Variants in SND1 observed in about 807,000 individuals in gnomAD.
The protein encoded by SND1 is staphylococcal nuclease domain-containing protein 1.
Under a neutral mutation model 121.7 loss-of-function variants are expected in SND1, and 38 were observed. The observed-to-expected ratio is 0.31, with a 90% confidence interval of 0.24 to 0.41. The LOEUF (loss-of-function observed/expected upper bound fraction) is 0.41, where lower values mean the gene tolerates loss of function less well. Among genes scored for constraint, SND1 ranks in the 10% least tolerant of loss-of-function variants. The pLI, the probability that SND1 is intolerant of heterozygous loss-of-function variation, is 1.00. For synonymous variants in SND1, 401 were observed against 447.4 expected (o/e 0.90, Z 1.31); for missense variants, 868 against 1,184.6 (o/e 0.73, Z 3.92).
At chr7:127,974,369 G>A (rs544515530) in intron 15 of SND1, among the ~76,000 whole-genome samples, 13 of 152,296 alleles carry the variant, frequency 8.5e-5, no homozygotes, top group East Asian at 3.9e-4. Flanking sequence ...TTGAAGATTC[G>A]TTCATGCTCC....
intron 16 of SND1, among the ~76,000 whole-genome samples, chr7:128,040,511 C>A (rs1792836681): frequency 6.9e-6 from 1 of 144,978 alleles, no homozygotes; most frequent in Non-Finnish European, 1.5e-5. Context: ...CATGGTAAGA[C>A]CTTTCTCCTG....
chr7:127,959,658 C>CCCCATT (rs1161254662), intron 15 of SND1, among the ~76,000 whole-genome samples: 6 of 152,172 alleles, frequency 3.9e-5, no homozygotes, highest in Non-Finnish European at 7.3e-5. Context: ...CGCAAAACTA[C>CCCCATT]CCCATTCCCT....
intron 16 of SND1, among the ~76,000 whole-genome samples, chr7:128,026,219 A>C (rs1803473174): frequency 6.6e-6 from 1 of 152,074 alleles, no homozygotes; most frequent in Admixed American, 6.6e-5. Flanking sequence ...GCTCTCCTGC[A>C]GTTTTCTTTC....
At chr7:127,652,530 C>A in intron 1 of SND1, 79 bp downstream of exon 1, 1 of 1,190,256 alleles carries the variant, frequency 8.4e-7, no homozygotes, top group Non-Finnish European at 1.2e-6. Context: ...TTCCGCCAGC[C>A]TGCTCCATGT....
intron 10 of SND1, among the ~76,000 whole-genome samples, chr7:127,764,046 A>C (rs1441964697): frequency 6.9e-6 from 1 of 145,248 alleles, no homozygotes; most frequent in Non-Finnish European, 1.5e-5. Flanking sequence ...CGCAAAAAAA[A>C]AAAAAACAAA....
chr7:128,081,586 G>T (rs1345564316), intron 18 of SND1, 85 bp downstream of exon 18: 4 of 1,526,850 alleles, frequency 2.6e-6, no homozygotes, highest in Admixed American at 1.7e-5. Flanking sequence ...CCCAGTGGGT[G>T]GGAGGAACAA....
intron 10 of SND1, among the ~76,000 whole-genome samples, chr7:127,737,055 G>A (rs561924302): frequency 1.2e-4 from 18 of 151,044 alleles, no homozygotes; most frequent in Non-Finnish European, 1.9e-4. Context: ...CCCCAAGTAA[G>A]TGTATGTAAA....
chr7:128,014,162 T>C (rs562307984), intron 16 of SND1, among the ~76,000 whole-genome samples: 1 of 152,286 alleles, frequency 6.6e-6, no homozygotes, highest in Non-Finnish European at 1.5e-5. Context: ...TCAGGAACAG[T>C]CACTCAGCTT....
chr7:128,051,402 C>G (rs1793043692), intron 16 of SND1, among the ~76,000 whole-genome samples: 1 of 152,194 alleles, frequency 6.6e-6, no homozygotes, highest in Non-Finnish European at 1.5e-5. Flanking sequence ...GTTCAAAAAT[C>G]AGTTACACCA....
At chr7:127,940,314 A>G (rs1297086295) in intron 15 of SND1, among the ~76,000 whole-genome samples, 2 of 151,842 alleles carry the variant, frequency 1.3e-5, no homozygotes, top group Non-Finnish European at 2.9e-5. Context: ...AGATTATTCA[A>G]CACTATCTTG....
intron 16 of SND1, among the ~76,000 whole-genome samples, chr7:128,013,662 C>T (rs1803161581): frequency 6.6e-6 from 1 of 152,132 alleles, no homozygotes; most frequent in Non-Finnish European, 1.5e-5. Context: ...GCATTAGATT[C>T]GCATAAGGAG....
intron 16 of SND1, among the ~76,000 whole-genome samples, chr7:128,004,217 A>C (rs1802906927): frequency 6.6e-6 from 1 of 151,626 alleles, no homozygotes; most frequent in Non-Finnish European, 1.5e-5. Flanking sequence ...TTGTTTTTAC[A>C]TGTCAGTGAC....
chr7:127,665,730 T>A (rs191449540), intron 1 of SND1, among the ~76,000 whole-genome samples: 1 of 152,262 alleles, frequency 6.6e-6, no homozygotes, highest in Admixed American at 6.5e-5. Flanking sequence ...ACTAATGTGA[T>A]GTTATTTTCA....
intron 10 of SND1, among the ~76,000 whole-genome samples, chr7:127,783,468 AT>A (rs1797759672): frequency 6.6e-6 from 1 of 152,220 alleles, no homozygotes; most frequent in South Asian, 2.1e-4. Flanking sequence ...GCTACAGCAG[AT>A]TCGTTTGATG....
At chr7:127,910,249 G>A (rs922630600) in intron 14 of SND1, among the ~76,000 whole-genome samples, 5 of 152,150 alleles carry the variant, frequency 3.3e-5, no homozygotes, top group African/African-American at 9.7e-5. Context: ...AGACCAGCCT[G>A]GCCAACATGG....
chr7:128,032,109 C>G (rs1368402844), intron 16 of SND1: 1 of 151,938 alleles, frequency 6.6e-6, no homozygotes, highest in African/African-American at 2.4e-5. Flanking sequence ...CGTGAATGTA[C>G]TGCTGACGCA....
chr7:127,718,484 A>G (rs1350938176), intron 9 of SND1: 1 of 710,468 alleles, frequency 1.4e-6, no homozygotes, highest in Non-Finnish European at 1.7e-6. Context: ...TTATACACAC[A>G]CGCGGACACG....
At chr7:127,746,328 A>G (rs1448443164) in intron 10 of SND1, among the ~76,000 whole-genome samples, 2 of 152,228 alleles carry the variant, frequency 1.3e-5, no homozygotes, top group African/African-American at 4.8e-5. Context: ...ATTCTCTTAC[A>G]GAAGCAAGCT....
Position 127,920,488 on chromosome 7 carries a change from G to A in SND1, c.1528-8700G>A, listed in dbSNP as rs72607744. ...AAAGCCATGATACTATAAACACTGA[G>A]TATTGAGTTAACAAAAAATTGTAAG... On this transcript the variant is annotated intron_variant, in intron 14 of 23. Transcript: ENST00000354725. 3.9e-3 allele frequency among the ~76,000 whole-genome samples: 599 copies of A among 152,244 alleles called. 35 individuals carry two copies. The East Asian group carries it at 0.11, about 28-fold the overall frequency.
Sources: allele counts gnomAD v4.1 joint callset (sites outside exome capture counted in the v4.1 genomes callset), GRCh38; gene constraint gnomAD v4.1.1; transcripts MANE v1.5; gene names NCBI Gene and HGNC (gene_info 2026-07-23, HGNC 2026-07-21).